Variants in CTNND2 observed in about 807,000 individuals in gnomAD.
CTNND2 encodes the protein catenin delta 2.
CTNND2 carries 22 observed loss-of-function variants against 144.4 expected under a neutral mutation model. The ratio of observed to expected loss-of-function variants is 0.15; its 90% CI spans 0.11 to 0.22. The LOEUF is 0.22. CTNND2 is among the 10% of genes least tolerant of loss of function. The probability of loss-of-function intolerance (pLI) is 1.00; values close to 1 mark genes in which losing one functional copy is unlikely to be tolerated. For synonymous variants in CTNND2, 751 were observed against 695.6 expected, an observed-to-expected ratio of 1.08 and a Z score of -1.25; for missense variants, 1,353 against 1,618.8, an observed-to-expected ratio of 0.84 and a Z score of 2.82.
chr5:11,129,369 C>T (rs1337114359), intron 12 of CTNND2, among the ~76,000 whole-genome samples: 1 of 122,222 alleles, frequency 8.2e-6, no homozygotes, highest in Non-Finnish European at 1.6e-5. Flanking sequence ...TGTGGAAGGG[C>T]GTGAGGTGGT....
intron 16 of CTNND2, among the ~76,000 whole-genome samples, chr5:11,047,663 C>T (rs115244814): frequency 6.6e-6 from 1 of 152,240 alleles, no homozygotes; most frequent in African/African-American, 2.4e-5. Context: ...CTAATAAATA[C>T]AAATCACATA....
intron 3 of CTNND2, among the ~76,000 whole-genome samples, chr5:11,545,066 G>A (rs1018522290): frequency 5.5e-5 from 8 of 144,858 alleles, no homozygotes; most frequent in African/African-American, 1.8e-4. Flanking sequence ...AGGTTGCAGT[G>A]AGCCAAGATC....
intron 15 of CTNND2, chr5:11,083,839 C>A (rs1399441932): frequency 1.0e-5 from 11 of 1,072,308 alleles, no homozygotes; most frequent in African/African-American, 8.6e-5. Flanking sequence ...ACCTCCACCC[C>A]CCTTCCCCCA....
intron 10 of CTNND2, among the ~76,000 whole-genome samples, chr5:11,218,669 C>T (rs1739470364): frequency 6.6e-6 from 1 of 152,162 alleles, no homozygotes; most frequent in Non-Finnish European, 1.5e-5. Context: ...CTGTCAAAGC[C>T]ACATGGAGCA....
At chr5:11,404,599 ATTCTTTTTTT>A (rs1760922501) in intron 5 of CTNND2, among the ~76,000 whole-genome samples, 1 of 32,770 alleles carries the variant, frequency 3.1e-5, no homozygotes, top group South Asian at 1.2e-3. Flanking sequence ...CAGTATCTGT[ATTCTTTTTTT>A]TTTTTTTTTT....
intron 16 of CTNND2, among the ~76,000 whole-genome samples, chr5:11,031,631 T>A (rs1371938503): frequency 1.3e-5 from 2 of 152,070 alleles, no homozygotes; most frequent in Admixed American, 6.5e-5. Context: ...CAGGGGAGAT[T>A]AACATTTGAG....
intron 12 of CTNND2, among the ~76,000 whole-genome samples, chr5:11,152,604 G>C (rs1198712216): frequency 6.6e-6 from 1 of 152,160 alleles, no homozygotes. Flanking sequence ...GACTGGGTGG[G>C]AGGAAGTGAT....
At chr5:11,170,033 A>C (rs6885432) in intron 11 of CTNND2, among the ~76,000 whole-genome samples, 1 of 152,128 alleles carries the variant, frequency 6.6e-6, no homozygotes, top group Non-Finnish European at 1.5e-5. Flanking sequence ...AATCACCTGC[A>C]TGTATTAACT....
chr5:11,795,338 G>A (rs1791346715), intron 1 of CTNND2, among the ~76,000 whole-genome samples: 1 of 152,212 alleles, frequency 6.6e-6, no homozygotes. Flanking sequence ...ACAAACCGCA[G>A]GGAAGGAATA....
At chr5:11,723,124 G>A (rs1786779441) in intron 2 of CTNND2, among the ~76,000 whole-genome samples, 1 of 152,030 alleles carries the variant, frequency 6.6e-6, no homozygotes, top group African/African-American at 2.4e-5. Flanking sequence ...GATAAACTTG[G>A]CATAATTGTA....
In CTNND2 at chr5:11,818,004, T is replaced by TTTTTTTTTTTC. The variant is rs1554126308; in HGVS notation, c.38-85733_38-85732insGAAAAAAAAAA. On this transcript the variant is annotated intron_variant, in intron 1 of 21. Coordinates refer to ENST00000304623, the MANE Select transcript of CTNND2 (RefSeq NM_001332.4). ...GTGTTTTTTTTTTTTTTTTTTTTTT[T>TTTTTTTTTTTC]CAGTTCTCCTCCATCCAATATCAAA... Among the ~76,000 whole-genome samples, 7 of 93,272 alleles carry TTTTTTTTTTTC rather than the reference T, an allele frequency of 7.5e-5. 1 individual carries two copies. Among genetic ancestry groups the TTTTTTTTTTTC allele is most frequent in the East Asian group, 3.7e-4 (1 of 2,688 alleles). The allele number at this position is 93,272 out of a possible 152,430, so 61.2% of individuals were successfully genotyped here.
Position 11,330,841 on chromosome 5 carries a change from T to TGC in CTNND2, c.1628+15530_1628+15531insGC, listed in dbSNP as rs200741397. The stretch of plus-strand genomic sequence containing the variant: ...TAACTTATACAGAGCAAGTCCAGCC[T>TGC]GTGTGTGTCTGTGTGTGAGCCTAAG... On this transcript the variant is annotated intron_variant, in intron 9 of 21. Transcript: ENST00000304623. Among the ~76,000 whole-genome samples, 357 of 123,648 alleles carry TGC rather than the reference T, an allele frequency of 2.9e-3. 2 individuals are homozygous for TGC. Among genetic ancestry groups the TGC allele is most frequent in the African/African-American group, 0.015 (342 of 23,104 alleles). The allele number at this position is 123,648 out of a possible 152,430, so 81.1% of individuals were successfully genotyped here.
chr5:11,297,764 G>A (rs965082491), intron 9 of CTNND2, among the ~76,000 whole-genome samples: 1 of 152,058 alleles, frequency 6.6e-6, no homozygotes, highest in Non-Finnish European at 1.5e-5. Flanking sequence ...CAGGAGGAGT[G>A]GGGTGACTAA....
Position 11,189,394 on chromosome 5 carries a change from T to C in CTNND2, c.1975+10054A>G, listed in dbSNP as rs76610789. Among the ~76,000 whole-genome samples, 285 of 152,256 alleles carry C rather than the reference T, an allele frequency of 1.9e-3. 1 individual carries two copies. Among genetic ancestry groups the C allele is most frequent in the African/African-American group, 6.4e-3 (264 of 41,554 alleles). Reference sequence around the variant, plus strand: ...GCGCAGGTACACTTATATACAGATTTTCTTCCACTTCTGCCACCCCTGAGA... The same window carrying C: ...GCGCAGGTACACTTATATACAGATTCTCTTCCACTTCTGCCACCCCTGAGA... On this transcript the variant is annotated intron_variant, in intron 11 of 21. Transcript: ENST00000304623.
intron 2 of CTNND2, among the ~76,000 whole-genome samples, chr5:11,669,404 G>T (rs1157666924): frequency 6.6e-6 from 1 of 152,124 alleles, no homozygotes; most frequent in Admixed American, 6.6e-5. Context: ...GACTTTTTGT[G>T]ATTGGTAGGC....
chr5:11,443,381 TGGGGG>T, intron 3 of CTNND2, among the ~76,000 whole-genome samples: 1 of 39,142 alleles, frequency 2.6e-5, no homozygotes, highest in African/African-American at 1.1e-4. Context: ...GTGGCATGAG[TGGGGG>T]GTGTGTGGTG....
chr5:11,809,090 A>G (rs1003194950), intron 1 of CTNND2, among the ~76,000 whole-genome samples: 2 of 152,208 alleles, frequency 1.3e-5, no homozygotes, highest in African/African-American at 4.8e-5. Context: ...CTAAATGTAC[A>G]AAATGTGAAA....
chr5:11,440,547 A>G (rs573538961), intron 3 of CTNND2, among the ~76,000 whole-genome samples: 122 of 152,344 alleles, frequency 8.0e-4, no homozygotes, highest in African/African-American at 2.9e-3. Context: ...GATTGACTAT[A>G]AAGAATCCCC....
chr5:11,215,773 C>T (rs1177787830), intron 10 of CTNND2, among the ~76,000 whole-genome samples: 2 of 152,036 alleles, frequency 1.3e-5, no homozygotes, highest in South Asian at 2.1e-4. Context: ...GGAAGACTAC[C>T]AAAAGGGGGA....
Sources: gnomAD v4.1 joint callset for allele counts (sites outside exome capture counted in the v4.1 genomes callset) on GRCh38, gnomAD v4.1.1 for gene constraint, MANE v1.5 for transcripts, NCBI Gene and HGNC (gene_info 2026-07-23, HGNC 2026-07-21) for gene names.